The following LRP2BP variants were observed in gnomAD, a reference collection of about 807,000 sequenced individuals.
LRP2BP encodes the protein LRP2-binding protein.
A neutral mutation model predicts 45.2 loss-of-function variants in LRP2BP; 38 were observed. The observed-to-expected ratio is 0.84, with a 90% CI of 0.65 to 1.10. LRP2BP has a LOEUF of 1.10. Ranked by LOEUF, LRP2BP falls within the 50% of genes least tolerant of loss-of-function variation. The pLI is 0.00. For missense variants in LRP2BP, 385 were observed against 418.9 expected, an observed-to-expected ratio of 0.92 and a Z score of 0.71; for synonymous variants, 153 against 153.9, an observed-to-expected ratio of 0.99 and a Z score of 0.04.
chr4:185,368,887 A>G (rs76146932), intron 8 of LRP2BP, among the ~76,000 whole-genome samples: 4,314 of 148,942 alleles, frequency 0.029, 87 homozygotes, highest in South Asian at 0.062. Flanking sequence ...TCCTCCTTGC[A>G]GGTTCAAGCG....
At chr4:185,383,196 G>A (rs1466278521) in intron 1 of LRP2BP, among the ~76,000 whole-genome samples, 3 of 152,160 alleles carry the variant, frequency 2.0e-5, no homozygotes, top group African/African-American at 7.2e-5. Flanking sequence ...TTCAGGCTGG[G>A]TGTGGTGGTT....
At chr4:185,375,573 CAATGAA>C (rs767712756) in intron 4 of LRP2BP, 34 bp downstream of exon 4, 13 of 993,178 alleles carry the variant, frequency 1.3e-5, no homozygotes, top group Non-Finnish European at 1.8e-5. Context: ...AATCCACTGA[CAATGAA>C]ATCTTAACCA....
intron 1 of LRP2BP, among the ~76,000 whole-genome samples, chr4:185,385,213 G>C (rs2095467539): frequency 6.6e-6 from 1 of 151,992 alleles, no homozygotes; most frequent in South Asian, 2.1e-4. Flanking sequence ...ACGTCTATTT[G>C]TTCTGTTCCC....
At chr4:185,368,533 C>T (rs972934038) in intron 8 of LRP2BP, among the ~76,000 whole-genome samples, 3 of 152,188 alleles carry the variant, frequency 2.0e-5, no homozygotes, top group African/African-American at 7.2e-5. Flanking sequence ...GTCGGGACAC[C>T]TTGTGTCCTT....
Position 185,388,619 on chromosome 4 carries a change from G to GT in LRP2BP, c.-22+6159dup, listed in dbSNP as rs1248595655. ...TCTACCTGACAGTGTTCTCACAGCA[G>GT]TTGAAAGAAAATGTTTCAAATGATA... is the stretch of plus-strand genomic sequence containing the variant. On this transcript the variant is annotated intron_variant, in intron 1 of 8. Transcript: ENST00000505916. 5.3e-5 allele frequency among the ~76,000 whole-genome samples: 8 copies of GT among 152,232 alleles called. No homozygotes were observed. The East Asian group carries it at 1.5e-3, about 29-fold the overall frequency.
intron 1 of LRP2BP, among the ~76,000 whole-genome samples, chr4:185,383,424 G>A (rs1038359243): frequency 6.6e-6 from 1 of 152,230 alleles, no homozygotes; most frequent in Non-Finnish European, 1.5e-5. Context: ...AGGCTGCAAT[G>A]AGCTATGACT....
intron 6 of LRP2BP, 146 bp downstream of exon 6, chr4:185,373,989 G>C: frequency 2.9e-6 from 2 of 680,784 alleles, no homozygotes; most frequent in African/African-American, 1.8e-5. Flanking sequence ...AAAGGGCTTT[G>C]AGATCCTAAA....
At chr4:185,371,268 G>T (rs192147718) in intron 7 of LRP2BP, among the ~76,000 whole-genome samples, 27 of 152,174 alleles carry the variant, frequency 1.8e-4, no homozygotes, top group Admixed American at 1.6e-3. Flanking sequence ...GGCTGGGCGC[G>T]GTGGCTCACG....
At position 185,376,986 on chromosome 4, in the gene LRP2BP, A is replaced by G. The variant is rs1331793385; in HGVS notation, c.139T>C (p.Leu47=). Residue 47 remains leucine, a synonymous_variant, in exon 3 of 9, where the codon TTG becomes CTG. Transcript: ENST00000505916. ...AGTATTCTTTCCTTCAAGAGCTGCAATGCCTTATCCACCAAATTAGCATGG... is the reference window on the plus strand; with the variant it reads ...AGTATTCTTTCCTTCAAGAGCTGCAGTGCCTTATCCACCAAATTAGCATGG... The part of the protein sequence containing the change: ...YTHANLVDKA[L]QLLKERILKG... 3.7e-6 allele frequency: 6 copies of G among 1,613,954 alleles called. No individual in the cohort carries two copies. The highest frequency in any genetic ancestry group is 1.3e-5 in the African/African-American group (1 of 75,066).
rs2095500422 is a variant in LRP2BP at position 185,395,746 on chromosome 4, T to C, written c.-989A>G. The C allele has an allele frequency of 1.0e-6, 1 of 985,426 alleles. No homozygotes were observed. Among genetic ancestry groups the C allele is most frequent in the South Asian group, 4.7e-5 (1 of 21,290 alleles). 61.0% of individuals were successfully genotyped at this position (985,426 alleles called of 1,614,324 possible). On this transcript the variant is annotated 5_prime_UTR_variant, in exon 1 of 9. Coordinates refer to ENST00000505916, the MANE Select transcript of LRP2BP (RefSeq NM_001377440.1). ...AAAAGTAGAATGAAAAGACCACTTATCTTTAGAGGACAAGCATGAACTTGT... is the reference window on the plus strand; with the variant it reads ...AAAAGTAGAATGAAAAGACCACTTACCTTTAGAGGACAAGCATGAACTTGT...
At chr4:185,391,589 G>A (rs893036850) in intron 1 of LRP2BP, among the ~76,000 whole-genome samples, 9 of 152,128 alleles carry the variant, frequency 5.9e-5, no homozygotes, top group African/African-American at 2.2e-4. Context: ...CAGTACCTGA[G>A]TTAGTTCCAG....
intron 1 of LRP2BP, among the ~76,000 whole-genome samples, chr4:185,384,548 A>T (rs12503953): frequency 0.59 from 89,770 of 150,920 alleles, 29,664 homozygotes; most frequent in Non-Finnish European, 0.74. Context: ...GCCTAATCCA[A>T]TGTTGAAATG....
chr4:185,387,877 G>C (rs543267724), intron 1 of LRP2BP, among the ~76,000 whole-genome samples: 3 of 152,214 alleles, frequency 2.0e-5, no homozygotes, highest in South Asian at 4.1e-4. Flanking sequence ...CTCCCAACTT[G>C]GGTTCTGAGG....
chr4:185,373,458 C>T (rs528322130), intron 6 of LRP2BP, among the ~76,000 whole-genome samples: 61 of 152,218 alleles, frequency 4.0e-4, no homozygotes, highest in Non-Finnish European at 2.8e-4. Flanking sequence ...AGGGAGAGTT[C>T]GAGCTCCCGG....
chr4:185,392,626 C>T (rs74631039), intron 1 of LRP2BP, among the ~76,000 whole-genome samples: 10,246 of 151,734 alleles, frequency 0.068, 384 homozygotes, highest in South Asian at 0.089. Flanking sequence ...TAAAAAAAAT[C>T]TATGGAAATT....
upstream of LRP2BP, chr4:185,397,127 C>T: frequency 6.2e-7 from 1 of 1,612,568 alleles, no homozygotes; most frequent in Non-Finnish European, 8.5e-7. Flanking sequence ...GGGAAGGGTG[C>T]TGGATCTGTT....
At chr4:185,371,504 T>C (rs192259231) in intron 7 of LRP2BP, among the ~76,000 whole-genome samples, 4 of 135,084 alleles carry the variant, frequency 3.0e-5, no homozygotes, top group African/African-American at 5.7e-5. Context: ...ATCGCACCAC[T>C]GCACTCCAGC....
At chr4:185,382,810 C>T (rs757736639) in intron 1 of LRP2BP, among the ~76,000 whole-genome samples, 1 of 152,098 alleles carries the variant, frequency 6.6e-6, no homozygotes, top group African/African-American at 2.4e-5. Context: ...ATCCCAAAAC[C>T]TTTTATTTTT....
rs772206272 is a variant in LRP2BP, at chr4:185,374,228, G to A, written c.486C>T (p.Ile162=). ...CTTTGGGATTTCCATTGTCTGCTGC[G>A]ATAAGCCACAGTCTACAAGAGAAAG... ...SNEEAERLWL[I]AADNGNPKAS... The change falls in exon 6 of 9, where the codon ATC becomes ATT. Residue 162 remains isoleucine (I), a synonymous_variant. Transcript: ENST00000505916. 109 of 1,613,978 alleles carry A rather than the reference G, an allele frequency of 6.8e-5. No individual in the cohort carries two copies. The highest frequency in any genetic ancestry group is 9.3e-5 in the African/African-American group (7 of 74,882).
Sources: allele counts gnomAD v4.1 joint callset (sites outside exome capture counted in the v4.1 genomes callset), GRCh38; gene constraint gnomAD v4.1.1; transcripts MANE v1.5; gene names NCBI Gene and HGNC (gene_info 2026-07-23, HGNC 2026-07-21).